Variants in MDGA2 observed in about 807,000 individuals in gnomAD.
MDGA2 encodes MAM domain containing glycosylphosphatidylinositol anchor 2, also known as MAM domain-containing glycosylphosphatidylinositol anchor protein 2.
Under a neutral mutation model 117.8 loss-of-function variants are expected in MDGA2, and 40 were observed. The ratio of observed to expected loss-of-function variants is 0.34; its 90% CI spans 0.26 to 0.44. MDGA2 has a LOEUF of 0.44. Among genes scored for constraint, MDGA2 ranks in the 20% least tolerant of loss-of-function variants. The pLI is 1.00. For synonymous variants in MDGA2, 452 were observed against 439.0 expected (o/e 1.03, Z -0.37); for missense variants, 1,123 against 1,250.6 (o/e 0.90, Z 1.54).
At chr14:47,259,563 C>T (rs1017733437) in intron 2 of MDGA2, among the ~76,000 whole-genome samples, 2 of 151,948 alleles carry the variant, frequency 1.3e-5, no homozygotes, top group African/African-American at 4.8e-5. Context: ...CTTTCTAAAT[C>T]AAATTTGAAC....
intron 14 of MDGA2, among the ~76,000 whole-genome samples, chr14:46,856,979 C>T (rs1033966216): frequency 6.6e-6 from 1 of 152,000 alleles, no homozygotes; most frequent in African/African-American, 2.4e-5. Flanking sequence ...CCACTATTAC[C>T]TTATCCTATT....
chr14:47,490,534 C>T (rs1027993750), intron 1 of MDGA2, among the ~76,000 whole-genome samples: 7 of 152,016 alleles, frequency 4.6e-5, no homozygotes, highest in Non-Finnish European at 8.8e-5. Context: ...TAGTCTGTCT[C>T]CTCTACACAC....
intron 9 of MDGA2, among the ~76,000 whole-genome samples, chr14:46,923,997 A>G (rs1032776232): frequency 1.8e-4 from 27 of 152,090 alleles, no homozygotes; most frequent in African/African-American, 4.1e-4. Context: ...TTTTATTCCT[A>G]TACTATGTTG....
At chr14:47,269,452 T>C (rs954237661) in intron 2 of MDGA2, among the ~76,000 whole-genome samples, 10 of 152,284 alleles carry the variant, frequency 6.6e-5, no homozygotes, top group South Asian at 2.1e-4. Context: ...TGTGTCTTCA[T>C]TGAAAATTTA....
intron 1 of MDGA2, among the ~76,000 whole-genome samples, chr14:47,316,017 C>T (rs1047699697): frequency 6.6e-6 from 1 of 151,890 alleles, no homozygotes; most frequent in Non-Finnish European, 1.5e-5. Flanking sequence ...CCCAATGTTG[C>T]TAATTTATTG....
chr14:47,125,167 G>A (rs1184213191), intron 5 of MDGA2, among the ~76,000 whole-genome samples: 1 of 152,124 alleles, frequency 6.6e-6, no homozygotes, highest in African/African-American at 2.4e-5. Flanking sequence ...AATGGCTGAT[G>A]TTAGTACTAA....
At chr14:47,658,634 G>C (rs538288729) in intron 1 of MDGA2, among the ~76,000 whole-genome samples, 1 of 152,070 alleles carries the variant, frequency 6.6e-6, no homozygotes, top group Admixed American at 6.6e-5. Flanking sequence ...GTCTAAGATG[G>C]GGTGTAACAT....
rs762027599 is a variant in MDGA2, at chr14:46,920,024, C to T, written c.2226G>A (p.Leu742=). The T allele has an allele frequency of 3.2e-6, 5 of 1,578,268 alleles. No homozygotes were observed. Among genetic ancestry groups the T allele is most frequent in the Non-Finnish European group, 4.3e-6 (5 of 1,166,058 alleles). ...DAVDRIVAYR[L]GIRQAGQQRW... ...TTAGATTTCTCACCTGCCTGATGCC[C>T]AACCGGTATGCAACAATCCGATCCA... Residue 742 remains leucine (L), a synonymous_variant, in exon 10 of 17, where the codon TTG becomes TTA. Transcript: ENST00000399232.
rs1295804712 is a variant in MDGA2, at chr14:47,343,031, C to T, written c.281-41481G>A. On this transcript the variant is annotated intron_variant, in intron 1 of 16. Transcript: ENST00000399232. ...GGAGTCAGCCACAGAGTGGGAGAAG[C>T]AGGCAGCACTACCGTGAGTCCTGCG... is the stretch of plus-strand genomic sequence containing the variant. The T allele has an allele frequency of 3.1e-6, 4 of 1,270,604 alleles. No individual in the cohort carries two copies. In the African/African-American group the frequency reaches 4.6e-5, roughly 15 times the overall value. 78.7% of individuals were successfully genotyped at this position (1,270,604 alleles called of 1,614,324 possible). A position where few individuals can be genotyped will look rare whatever the true frequency, so the allele number is the denominator to read the frequency against.
At chr14:47,457,245 A>G (rs1191489244) in intron 1 of MDGA2, among the ~76,000 whole-genome samples, 1 of 152,218 alleles carries the variant, frequency 6.6e-6, no homozygotes, top group Non-Finnish European at 1.5e-5. Flanking sequence ...ATCATCAAAC[A>G]GCATGCATTT....
chr14:46,996,037 G>A lies in MDGA2; in HGVS notation c.1820-38394C>T, dbSNP rs569220882. 2.4e-4 allele frequency among the ~76,000 whole-genome samples: 37 copies of A among 152,090 alleles called. No homozygotes were observed. The South Asian group carries it at 6.4e-3, about 26-fold the overall frequency. On this transcript the variant is annotated intron_variant, in intron 8 of 16. Transcript: ENST00000399232. ...AGTGTCTACTCACTTCTAAGCCTGTGGTCATAAAAGGAGGAAAATGGTAAG... is the reference window on the plus strand; with the variant it reads ...AGTGTCTACTCACTTCTAAGCCTGTAGTCATAAAAGGAGGAAAATGGTAAG...
chr14:47,492,069 T>A (rs1894181318), intron 1 of MDGA2, among the ~76,000 whole-genome samples: 1 of 152,182 alleles, frequency 6.6e-6, no homozygotes, highest in Non-Finnish European at 1.5e-5. Context: ...GAACATTTAT[T>A]CTCTTTGAAC....
At position 47,355,499 on chromosome 14, in the gene MDGA2, G is replaced by A. The variant is rs539172915; in HGVS notation, c.281-53949C>T. On this transcript the variant is annotated intron_variant, in intron 1 of 16. Transcript: ENST00000399232. ...GTAAGGGATAAGAGAAATGGGATGT[G>A]ATACCCTATGTCCAGTGTTTTATGG... 2.6e-5 allele frequency among the ~76,000 whole-genome samples: 4 copies of A among 152,160 alleles called. No individual in the cohort carries two copies. In the South Asian group the frequency reaches 8.3e-4, roughly 32 times the overall value.
At chr14:47,129,573 G>T (rs1170205437) in intron 5 of MDGA2, among the ~76,000 whole-genome samples, 5 of 148,642 alleles carry the variant, frequency 3.4e-5, no homozygotes, top group African/African-American at 9.9e-5. Context: ...TGTCTTTATA[G>T]CAGCATGATT....
At chr14:47,515,404 G>A (rs1594895215) in intron 1 of MDGA2, among the ~76,000 whole-genome samples, 1 of 152,108 alleles carries the variant, frequency 6.6e-6, no homozygotes, top group Non-Finnish European at 1.5e-5. Flanking sequence ...AGCTTGTGTC[G>A]CATGTTGACA....
chr14:47,016,943 A>ATT (rs34919255), intron 8 of MDGA2, among the ~76,000 whole-genome samples: 2 of 151,380 alleles, frequency 1.3e-5, no homozygotes, highest in African/African-American at 2.4e-5. Flanking sequence ...CATTTTTATT[A>ATT]TTTTTTTCCA....
intron 1 of MDGA2, among the ~76,000 whole-genome samples, chr14:47,399,792 G>T (rs1329743164): frequency 2.0e-5 from 3 of 152,034 alleles, no homozygotes; most frequent in Non-Finnish European, 4.4e-5. Context: ...ACAATGCATG[G>T]TAATTATCAA....
At chr14:47,462,435 T>C (rs1217596651) in intron 1 of MDGA2, among the ~76,000 whole-genome samples, 1 of 151,714 alleles carries the variant, frequency 6.6e-6, no homozygotes, top group East Asian at 1.9e-4. Context: ...GTGATTATGT[T>C]AGGTGAAGCC....
chr14:47,479,231 A>G (rs1012086557), intron 1 of MDGA2, among the ~76,000 whole-genome samples: 2 of 152,140 alleles, frequency 1.3e-5, no homozygotes, highest in African/African-American at 4.8e-5. Context: ...ATTTTTGAAT[A>G]AGGCCTAAAT....
Sources: allele counts gnomAD v4.1 joint callset (sites outside exome capture counted in the v4.1 genomes callset), GRCh38; gene constraint gnomAD v4.1.1; transcripts MANE v1.5; gene names NCBI Gene and HGNC (gene_info 2026-07-23, HGNC 2026-07-21).